The following CACNA1C variants were observed in gnomAD, a reference collection of about 807,000 sequenced individuals.
CACNA1C encodes the protein calcium voltage-gated channel subunit alpha1 C, also known as voltage-dependent L-type calcium channel subunit alpha-1C.
In CACNA1C, 30 loss-of-function variants were observed where a neutral mutation model predicts 229.0. That is an observed-to-expected ratio of 0.13 (90% CI 0.10 to 0.18). The LOEUF is 0.18. Among genes scored for constraint, CACNA1C ranks in the 10% least tolerant of loss-of-function variants. The pLI is 1.00. For synonymous variants in CACNA1C, 1,114 were observed against 1,132.5 expected, an observed-to-expected ratio of 0.98 and a Z score of 0.33; for missense variants, 1,658 against 2,845.0, an observed-to-expected ratio of 0.58 and a Z score of 9.49.
chr12:2,650,640 G>A (rs1390622988), intron 31 of CACNA1C, among the ~76,000 whole-genome samples: 1 of 152,172 alleles, frequency 6.6e-6, no homozygotes, highest in African/African-American at 2.4e-5. Context: ...CTCAGGTTTG[G>A]AGGCAGAGGA....
At chr12:2,685,543 T>A (rs1003371278) in intron 43 of CACNA1C, among the ~76,000 whole-genome samples, 193 bp from the exon 44 acceptor site, 8 of 151,936 alleles carry the variant, frequency 5.3e-5, no homozygotes, top group African/African-American at 1.9e-4. Flanking sequence ...CCATTCCCAC[T>A]GAGCAGGCCT....
chr12:2,526,551 A>G (rs1261315893), intron 9 of CACNA1C, among the ~76,000 whole-genome samples: 4 of 152,260 alleles, frequency 2.6e-5, no homozygotes, highest in Non-Finnish European at 5.9e-5. Flanking sequence ...CTTGCACTTT[A>G]CTGATAAGGC....
rs2072983809 is a variant in CACNA1C, at chr12:2,602,492, T to A, written c.2960+532T>A. On this transcript the variant is annotated intron_variant, in intron 22 of 46. Coordinates refer to ENST00000399655, the MANE Select transcript of CACNA1C (RefSeq NM_000719.7). This position sits in a 1 kb window ranked among gnomAD's most constrained non-coding sequence, Gnocchi z 4.4. ...GTGTGTATATGTGGATGTGTGTTTGTGGCTGTGTGTATGTGTGTGTATGTA... is the reference window on the plus strand; with the variant it reads ...GTGTGTATATGTGGATGTGTGTTTGAGGCTGTGTGTATGTGTGTGTATGTA... Among the ~76,000 whole-genome samples, 1 of 152,056 alleles carries A rather than the reference T, an allele frequency of 6.6e-6. No individual in the cohort carries two copies. Among genetic ancestry groups the A allele is most frequent in the Non-Finnish European group, 1.5e-5 (1 of 67,986 alleles).
intron 3 of CACNA1C, among the ~76,000 whole-genome samples, chr12:2,321,335 G>A (rs117388261): frequency 6.6e-6 from 1 of 151,996 alleles, no homozygotes; most frequent in East Asian, 1.9e-4. Flanking sequence ...AGCTTTTGGA[G>A]TCCCATTTTG....
At chr12:2,252,546 C>T (rs2075968003) in intron 3 of CACNA1C, among the ~76,000 whole-genome samples, 2 of 152,168 alleles carry the variant, frequency 1.3e-5, no homozygotes, top group Non-Finnish European at 2.9e-5. Context: ...TTGTGTGAGT[C>T]ATCATTTGTC....
At chr12:2,163,369 C>T (rs943350258) in intron 3 of CACNA1C, among the ~76,000 whole-genome samples, 4 of 152,110 alleles carry the variant, frequency 2.6e-5, no homozygotes, top group African/African-American at 9.7e-5. Flanking sequence ...GCTTGGGCAC[C>T]AGGCCAGGTT....
At chr12:2,648,546 G>T (rs1279448361) in intron 31 of CACNA1C, 39 bp downstream of exon 31, 1 of 1,604,550 alleles carries the variant, frequency 6.2e-7, no homozygotes, top group Non-Finnish European at 8.5e-7. Flanking sequence ...CGGCTTCCGT[G>T]TCCCCCTCTA....
At chr12:2,659,202 A>G (rs1453881184) in intron 34 of CACNA1C, among the ~76,000 whole-genome samples, 2 of 152,048 alleles carry the variant, frequency 1.3e-5, no homozygotes, top group Non-Finnish European at 2.9e-5. Flanking sequence ...AGCTCCACTC[A>G]TGGTATGTGC....
rs114193127 is a variant in CACNA1C, at chr12:2,368,934, G to A, written c.478-80042G>A. 4.8e-3 allele frequency among the ~76,000 whole-genome samples: 738 copies of A among 152,284 alleles called. 5 individuals are homozygous for A. Among genetic ancestry groups the A allele is most frequent in the African/African-American group, 0.016 (676 of 41,552 alleles). ...TTCCTACAGATGAACAGAATGGTGC[G>A]GGTAAAGGAATCCACGGACAGAGCT... On this transcript the variant is annotated intron_variant, in intron 3 of 46. Transcript: ENST00000399655.
intron 3 of CACNA1C, among the ~76,000 whole-genome samples, chr12:2,419,832 C>T (rs2098956791): frequency 6.6e-6 from 1 of 152,150 alleles, no homozygotes; most frequent in African/African-American, 2.4e-5. Flanking sequence ...CAACCTCAAC[C>T]ACACGGGAGA....
intron 3 of CACNA1C, among the ~76,000 whole-genome samples, chr12:2,200,482 C>A (rs1026152915): frequency 4.6e-5 from 7 of 152,166 alleles, no homozygotes; most frequent in Admixed American, 2.0e-4. Context: ...TCCTGCCATG[C>A]ACAGGACAGC....
intron 3 of CACNA1C, among the ~76,000 whole-genome samples, chr12:2,444,923 C>T (rs1487356558): frequency 6.6e-6 from 1 of 152,190 alleles, no homozygotes; most frequent in Non-Finnish European, 1.5e-5. Flanking sequence ...CCAGCCAGTG[C>T]CAGATTGCAG....
chr12:2,058,177 G>A (rs1463876769), intron 1 of CACNA1C, among the ~76,000 whole-genome samples: 1 of 151,746 alleles, frequency 6.6e-6, no homozygotes, highest in African/African-American at 2.4e-5. Flanking sequence ...AGAAGCCCTT[G>A]GCACTGTGCT....
chr12:2,224,359 A>G (rs2062315466), intron 3 of CACNA1C, among the ~76,000 whole-genome samples: 1 of 152,224 alleles, frequency 6.6e-6, no homozygotes, highest in African/African-American at 2.4e-5. Context: ...CTCTCTTTTG[A>G]ACTGCTAATC....
At chr12:2,198,031 C>T (rs1017833712) in intron 3 of CACNA1C, among the ~76,000 whole-genome samples, 15 of 152,170 alleles carry the variant, frequency 9.9e-5, no homozygotes, top group Non-Finnish European at 2.1e-4. Flanking sequence ...CGGAAGGCCC[C>T]CGTATGGAAA....
At chr12:2,298,530 C>T (rs1312093045) in intron 3 of CACNA1C, among the ~76,000 whole-genome samples, 1 of 152,164 alleles carries the variant, frequency 6.6e-6, no homozygotes, top group Admixed American at 6.5e-5. Flanking sequence ...ATCTCCTGAC[C>T]TTGTGATCTG....
intron 3 of CACNA1C, among the ~76,000 whole-genome samples, chr12:2,273,532 C>G (rs1031226516): frequency 6.6e-6 from 1 of 152,162 alleles, no homozygotes; most frequent in Non-Finnish European, 1.5e-5. Context: ...TTAGGACCAG[C>G]AGGACGGCCA....
At chr12:2,401,373 T>C (rs1317551061) in intron 3 of CACNA1C, among the ~76,000 whole-genome samples, 1 of 152,242 alleles carries the variant, frequency 6.6e-6, no homozygotes, top group African/African-American at 2.4e-5. Context: ...AAAAAAATTA[T>C]TATGCTCACA....
At chr12:2,005,484 C>A (rs915988887) in intron 1 of CACNA1C, among the ~76,000 whole-genome samples, 1 of 152,152 alleles carries the variant, frequency 6.6e-6, no homozygotes, top group Non-Finnish European at 1.5e-5. Flanking sequence ...ATAAAGTGTG[C>A]CTGTCACTTT....
Sources: allele counts gnomAD v4.1 joint callset (sites outside exome capture counted in the v4.1 genomes callset), GRCh38; gene constraint gnomAD v4.1.1; non-coding constraint Gnocchi (gnomAD v3.1); transcripts MANE v1.5; gene names NCBI Gene and HGNC (gene_info 2026-07-23, HGNC 2026-07-21).